ELF2: variants seen among roughly 807,000 people sequenced by gnomAD.
ELF2 encodes E74 like ETS transcription factor 2.
ELF2 carries 11 observed loss-of-function variants against 54.8 expected under a neutral mutation model. That is an observed-to-expected ratio of 0.20 (90% confidence interval 0.13 to 0.33). The LOEUF is 0.33. Among genes scored for constraint, ELF2 ranks in the 10% least tolerant of loss-of-function variants. ELF2 has a pLI of 1.00. For missense variants in ELF2, 513 were observed against 703.0 expected, an observed-to-expected ratio of 0.73 and a Z score of 3.06; for synonymous variants, 203 against 245.1, an observed-to-expected ratio of 0.83 and a Z score of 1.61.
upstream of ELF2, among the ~76,000 whole-genome samples, chr4:139,177,736 C>T (rs1483895284): frequency 6.6e-6 from 1 of 152,080 alleles, no homozygotes; most frequent in African/African-American, 2.4e-5. Context: ...CACACACCCT[C>T]GCCACTCAGG....
At chr4:139,171,856 A>G (rs901082851) in intron 1 of ELF2, among the ~76,000 whole-genome samples, 1 of 152,068 alleles carries the variant, frequency 6.6e-6, no homozygotes, top group African/African-American at 2.4e-5. Flanking sequence ...CCCAGGAGAG[A>G]GAGGTTGCAG....
intron 4 of ELF2, among the ~76,000 whole-genome samples, chr4:139,092,522 C>T (rs1732781839): frequency 1.3e-5 from 2 of 151,596 alleles, no homozygotes; most frequent in South Asian, 4.2e-4. Flanking sequence ...CTTTGAGAGG[C>T]GGAGGCGGGT....
At chr4:139,158,166 G>A (rs755924608) in intron 1 of ELF2, among the ~76,000 whole-genome samples, 22 of 152,170 alleles carry the variant, frequency 1.4e-4, no homozygotes, top group Admixed American at 6.5e-4. Flanking sequence ...TGGCGGGCAG[G>A]GGTGGGGGTC....
At chr4:139,097,048 T>C (rs1733357980) in intron 4 of ELF2, among the ~76,000 whole-genome samples, 1 of 152,322 alleles carries the variant, frequency 6.6e-6, no homozygotes, top group South Asian at 2.1e-4. Flanking sequence ...ATTCTGTTGG[T>C]CCTATATTAA....
At chr4:139,131,625 C>G (rs1737495377) in intron 3 of ELF2, among the ~76,000 whole-genome samples, 1 of 152,038 alleles carries the variant, frequency 6.6e-6, no homozygotes, top group South Asian at 2.1e-4. Context: ...AAAATCTTAT[C>G]AAAACTGAAA....
intron 6 of ELF2, among the ~76,000 whole-genome samples, chr4:139,068,814 G>C (rs1325767073): frequency 1.3e-5 from 2 of 152,082 alleles, no homozygotes; most frequent in Non-Finnish European, 2.9e-5. Context: ...GAAATAAATT[G>C]GGAATACTTA....
At chr4:139,135,241 G>A (rs1328233770) in intron 3 of ELF2, among the ~76,000 whole-genome samples, 22 of 53,532 alleles carry the variant, frequency 4.1e-4, no homozygotes, top group African/African-American at 1.6e-3. Context: ...ATATATATGT[G>A]TGTGTGTGTG....
intron 7 of ELF2, among the ~76,000 whole-genome samples, chr4:139,064,317 GA>G (rs1393481569): frequency 2.0e-5 from 3 of 151,988 alleles, no homozygotes; most frequent in Non-Finnish European, 2.9e-5. Flanking sequence ...TCCGTCTCAA[GA>G]AAAAAAGAAC....
chr4:139,146,471 A>G (rs1739233232), intron 1 of ELF2, among the ~76,000 whole-genome samples: 1 of 152,236 alleles, frequency 6.6e-6, no homozygotes, highest in Admixed American at 6.5e-5. Flanking sequence ...TACAGATTCA[A>G]TACAAATCTG....
At chr4:139,167,922 T>C (rs12648738) in intron 1 of ELF2, among the ~76,000 whole-genome samples, 2,624 of 152,282 alleles carry the variant, frequency 0.017, 72 homozygotes, top group East Asian at 0.12. Context: ...GCGTAGCTTT[T>C]TCACTTGGCA....
intron 3 of ELF2, among the ~76,000 whole-genome samples, chr4:139,135,245 G>A (rs971509122): frequency 5.7e-5 from 6 of 104,992 alleles, no homozygotes; most frequent in African/African-American, 1.0e-4. Flanking sequence ...ATATGTGTGT[G>A]TGTGTGTGTG....
intron 4 of ELF2, among the ~76,000 whole-genome samples, chr4:139,081,396 TTAAG>T (rs1339871945): frequency 1.3e-5 from 2 of 152,188 alleles, no homozygotes; most frequent in Non-Finnish European, 2.9e-5. Context: ...AGTGATAATA[TTAAG>T]TGTTATATAC....
At chr4:139,166,626 T>TG (rs1193699119) in intron 1 of ELF2, among the ~76,000 whole-genome samples, 1 of 152,126 alleles carries the variant, frequency 6.6e-6, no homozygotes, top group Non-Finnish European at 1.5e-5. Context: ...CCCAGTACTT[T>TG]GGGAGGCCGA....
chr4:139,069,342 T>C (rs1204246138), intron 6 of ELF2, among the ~76,000 whole-genome samples: 2 of 152,206 alleles, frequency 1.3e-5, no homozygotes, highest in East Asian at 3.8e-4. Flanking sequence ...ATTCTGGTAA[T>C]TGTAATCAGA....
intron 3 of ELF2, among the ~76,000 whole-genome samples, chr4:139,126,497 AT>A (rs1736936633): frequency 6.6e-6 from 1 of 152,196 alleles, no homozygotes; most frequent in African/African-American, 2.4e-5. Flanking sequence ...AGTACAAAAA[AT>A]TAAGGAACAC....
At chr4:139,168,526 T>G (rs768970382) in intron 1 of ELF2, among the ~76,000 whole-genome samples, 1 of 152,138 alleles carries the variant, frequency 6.6e-6, no homozygotes, top group Non-Finnish European at 1.5e-5. Flanking sequence ...CCGGCAGACT[T>G]AGCCTGAGAA....
chr4:139,176,834 C>T (rs1743000431), intron 1 of ELF2, 133 bp downstream of exon 1: 1 of 152,276 alleles, frequency 6.6e-6, no homozygotes, highest in South Asian at 2.1e-4. Flanking sequence ...AAAACCCCTC[C>T]GCAAACCCCG....
intron 3 of ELF2, among the ~76,000 whole-genome samples, chr4:139,132,929 G>A (rs1430373379): frequency 1.4e-5 from 2 of 145,186 alleles, no homozygotes; most frequent in African/African-American, 5.1e-5. Context: ...GTCTTGCTCT[G>A]TCCCCAGGCT....
chr4:139,082,206 G>A (rs1443384078), intron 4 of ELF2, among the ~76,000 whole-genome samples: 3 of 152,112 alleles, frequency 2.0e-5, no homozygotes, highest in African/African-American at 2.4e-5. Flanking sequence ...GGTTCTTTCC[G>A]TGTGTTCGCA....
Sources: allele counts gnomAD v4.1 joint callset (sites outside exome capture counted in the v4.1 genomes callset), GRCh38; gene constraint gnomAD v4.1.1; transcripts MANE v1.5; gene names NCBI Gene and HGNC (gene_info 2026-07-23, HGNC 2026-07-21).